SIM1: variants seen among roughly 807,000 people sequenced by gnomAD.
SIM1 encodes the protein single-minded homolog 1.
A neutral mutation model predicts 78.2 loss-of-function variants in SIM1; 18 were observed. The ratio of observed to expected loss-of-function variants is 0.23; its 90% CI spans 0.16 to 0.34. SIM1 has a LOEUF of 0.34. Among genes scored for constraint, SIM1 ranks in the 10% least tolerant of loss-of-function variants. The pLI is 1.00. For missense variants in SIM1, 939 were observed against 975.1 expected, an observed-to-expected ratio of 0.96 and a Z score of 0.49; for synonymous variants, 417 against 385.2, an observed-to-expected ratio of 1.08 and a Z score of -0.97.
chr6:100,449,727 C>T (rs1003886037), intron 4 of SIM1, 28 bp from the exon 5 acceptor site: 3 of 1,584,302 alleles, frequency 1.9e-6, no homozygotes, highest in South Asian at 1.1e-5. Context: ...TCGCCGTCGC[C>T]GTGGCGGTGG....
intron 10 of SIM1, among the ~76,000 whole-genome samples, chr6:100,401,582 A>T (rs1323029146): frequency 6.6e-6 from 1 of 152,068 alleles, no homozygotes; most frequent in African/African-American, 2.4e-5. Flanking sequence ...AAAAATAAAT[A>T]ATAATGAGGG....
Position 100,385,267 on chromosome 6 carries a change from G to A in SIM1, c.*5094C>T, listed in dbSNP as rs568635205. 4 of 151,874 alleles carry A rather than the reference G, an allele frequency of 2.6e-5. No homozygotes were observed. The East Asian group carries it at 5.8e-4, about 22-fold the overall frequency. The allele number at this position is 151,874 out of a possible 1,614,324, so 9.4% of individuals were successfully genotyped here. ...GCAAGACGGTATTTGAAATATTGGC[G>A]ATCAGTATCTTTTCTCACAAATATA... On this transcript the variant is annotated 3_prime_UTR_variant, in exon 12 of 12. Coordinates refer to ENST00000369208, the MANE Select transcript of SIM1 (RefSeq NM_005068.3).
At chr6:100,452,689 T>C (rs1402901508) in intron 3 of SIM1, among the ~76,000 whole-genome samples, 1 of 152,074 alleles carries the variant, frequency 6.6e-6, no homozygotes, top group Non-Finnish European at 1.5e-5. Flanking sequence ...TGAGGAAAAT[T>C]AGTTGGGAAT....
At chr6:100,439,652 C>T (rs1057090697) in intron 9 of SIM1, among the ~76,000 whole-genome samples, 8 of 152,264 alleles carry the variant, frequency 5.3e-5, no homozygotes, top group African/African-American at 1.9e-4. Flanking sequence ...TGAACACCAT[C>T]AGAAATGTCA....
Position 100,386,740 on chromosome 6 carries a change from C to A in SIM1, c.*3621G>T, listed in dbSNP as rs1267360541. The A allele has an allele frequency of 2.6e-5, 4 of 151,928 alleles. No individual in the cohort carries two copies. The highest frequency in any genetic ancestry group is 2.6e-4 in the Admixed American group (4 of 15,252). 9.4% of individuals were successfully genotyped at this position (151,928 alleles called of 1,614,324 possible). A position where few individuals can be genotyped will look rare whatever the true frequency, so the allele number is the denominator to read the frequency against. ...ACAATCTAGCCCTATGAAATATAAC[C>A]AAGAAAGAGCAAGTGGTTTTTCTGT... On this transcript the variant is annotated 3_prime_UTR_variant, in exon 12 of 12. Transcript: ENST00000369208.
At position 100,450,696 on chromosome 6, in the gene SIM1, T is replaced by TCTCTCTCTCTCTCTCACACA. The variant is rs1421452803; in HGVS notation, c.259-341_259-340insTGTGTGAGAGAGAGAGAGAG. 2.9e-3 allele frequency among the ~76,000 whole-genome samples: 268 copies of TCTCTCTCTCTCTCTCACACA among 91,886 alleles called. 2 individuals are homozygous for TCTCTCTCTCTCTCTCACACA. The highest frequency in any genetic ancestry group is 2.6e-3 in the Non-Finnish European group (120 of 45,460). 60.3% of individuals were successfully genotyped at this position (91,886 alleles called of 152,430 possible). ...CTCTCTCTCTCTCTCTCTCTCTCTC[T>TCTCTCTCTCTCTCTCACACA]CACACACACACACACACACACACAC... On this transcript the variant is annotated intron_variant, in intron 3 of 11. Transcript: ENST00000369208.
intron 9 of SIM1, among the ~76,000 whole-genome samples, chr6:100,441,358 G>A (rs975701709): frequency 2.0e-5 from 3 of 152,114 alleles, no homozygotes; most frequent in Non-Finnish European, 1.5e-5. Context: ...CTCCCCTGCT[G>A]CCATATATCC....
At chr6:100,419,923 A>G (rs6918192) in intron 10 of SIM1, among the ~76,000 whole-genome samples, 18,051 of 152,138 alleles carry the variant, frequency 0.12, 1,104 homozygotes, top group Middle Eastern at 0.16. Context: ...TTACAGGCAC[A>G]AGTCACCGTG....
intron 2 of SIM1, among the ~76,000 whole-genome samples, chr6:100,459,618 G>T (rs1212251459): frequency 3.3e-5 from 5 of 152,156 alleles, no homozygotes; most frequent in Admixed American, 3.3e-4. Context: ...GAATATTATA[G>T]AAACCATCTG....
chr6:100,419,712 G>T (rs763057255), intron 10 of SIM1, among the ~76,000 whole-genome samples: 2 of 152,136 alleles, frequency 1.3e-5, no homozygotes, highest in Non-Finnish European at 2.9e-5. Flanking sequence ...TGCGATCTTG[G>T]CTCACTGCAA....
At chr6:100,410,783 C>A (rs867611645) in intron 10 of SIM1, among the ~76,000 whole-genome samples, 71 of 152,190 alleles carry the variant, frequency 4.7e-4, no homozygotes, top group Middle Eastern at 3.4e-3. Context: ...CTTATCCTGG[C>A]AGGAATGATC....
At chr6:100,458,256 G>T (rs1047922515) in intron 2 of SIM1, among the ~76,000 whole-genome samples, 3 of 152,156 alleles carry the variant, frequency 2.0e-5, no homozygotes, top group African/African-American at 7.2e-5. Context: ...CCTGCGTGAC[G>T]GCCGAAAAAC....
At chr6:100,449,531 GGGAAAAACCACAAGC>G in intron 5 of SIM1, 45 bp downstream of exon 5, 1 of 1,585,940 alleles carries the variant, frequency 6.3e-7, no homozygotes, top group Non-Finnish European at 8.7e-7. Context: ...CGACTAATTG[GGGAAAAACCACAAGC>G]GGACTGCGAT....
At position 100,455,370 on chromosome 6, in the gene SIM1, T is replaced by C. The variant is rs73760892; in HGVS notation, c.176-1526A>G. On this transcript the variant is annotated intron_variant, in intron 2 of 11. Transcript: ENST00000369208. ...CCTCCCCGGAGTGACTCCACTGCCCTGGTCCCTGGGGTCCTCCTGGACCGT... is the reference window on the plus strand; with the variant it reads ...CCTCCCCGGAGTGACTCCACTGCCCCGGTCCCTGGGGTCCTCCTGGACCGT... Among the ~76,000 whole-genome samples, 256 of 152,264 alleles carry C rather than the reference T, an allele frequency of 1.7e-3. 2 individuals carry two copies. Among genetic ancestry groups the C allele is most frequent in the African/African-American group, 6.0e-3 (249 of 41,566 alleles).
chr6:100,405,888 TAA>T (rs1388265455), intron 10 of SIM1, among the ~76,000 whole-genome samples: 1 of 152,158 alleles, frequency 6.6e-6, no homozygotes. Context: ...TCCTTCAGTG[TAA>T]CTCTATAAGG....
intron 10 of SIM1, among the ~76,000 whole-genome samples, chr6:100,401,854 C>T (rs1546393): frequency 0.37 from 56,396 of 151,964 alleles, 10,958 homozygotes; most frequent in East Asian, 0.75. Context: ...ATAATTTAAT[C>T]GTTTAAATCT....
chr6:100,418,951 A>G (rs1459975063), intron 10 of SIM1, among the ~76,000 whole-genome samples: 1 of 152,000 alleles, frequency 6.6e-6, no homozygotes, highest in Non-Finnish European at 1.5e-5. Context: ...CAGATTGCCT[A>G]AGGTCGGGAG....
At position 100,411,334 on chromosome 6, in the gene SIM1, T is replaced by A. The variant is rs964295623; in HGVS notation, c.1167+9456A>T. 9.2e-5 allele frequency among the ~76,000 whole-genome samples: 14 copies of A among 152,358 alleles called. No homozygotes were observed. In the South Asian group the frequency reaches 1.2e-3, roughly 14 times the overall value. On this transcript the variant is annotated intron_variant, in intron 10 of 11. Transcript: ENST00000369208. ...GGACATGAAGACTAGAAAGCCCAGTTCAGGACTGGAAACCCTGGAGTATGA... is the reference window on the plus strand; with the variant it reads ...GGACATGAAGACTAGAAAGCCCAGTACAGGACTGGAAACCCTGGAGTATGA...
At chr6:100,456,375 G>C (rs1014647214) in intron 2 of SIM1, among the ~76,000 whole-genome samples, 3 of 152,170 alleles carry the variant, frequency 2.0e-5, no homozygotes, top group Non-Finnish European at 4.4e-5. Context: ...TTGACCTACC[G>C]CAGAAAATTC....
Sources: allele counts gnomAD v4.1 joint callset (sites outside exome capture counted in the v4.1 genomes callset), GRCh38; gene constraint gnomAD v4.1.1; transcripts MANE v1.5; gene names NCBI Gene and HGNC (gene_info 2026-07-23, HGNC 2026-07-21).